CCSER1: variants seen among roughly 807,000 people sequenced by gnomAD.
CCSER1 encodes serine-rich coiled-coil domain-containing protein 1.
CCSER1 carries 41 observed loss-of-function variants against 82.0 expected under a neutral mutation model. The observed-to-expected ratio is 0.50, with a 90% CI of 0.39 to 0.65. The LOEUF (loss-of-function observed/expected upper bound fraction) is 0.65. Ranked by LOEUF, CCSER1 falls within the 30% of genes least tolerant of loss-of-function variation. The pLI is 0.00. For synonymous variants in CCSER1, 414 were observed against 383.9 expected, an observed-to-expected ratio of 1.08 and a Z score of -0.92; for missense variants, 1,119 against 1,064.2, an observed-to-expected ratio of 1.05 and a Z score of -0.72.
At chr4:91,325,150 A>G (rs1177203871) in intron 10 of CCSER1, 1 of 456,152 alleles carries the variant, frequency 2.2e-6, no homozygotes, top group Admixed American at 2.3e-5. Flanking sequence ...ATGGGTTAGC[A>G]GTGGTCCTCT....
intron 5 of CCSER1, among the ~76,000 whole-genome samples, chr4:90,545,687 T>C (rs980557608): frequency 7.9e-5 from 12 of 152,136 alleles, no homozygotes; most frequent in Non-Finnish European, 1.3e-4. Context: ...GGAAAAGCGA[T>C]GCTTCTTTTT....
chr4:91,059,640 C>T (rs938933050), intron 9 of CCSER1, among the ~76,000 whole-genome samples: 17 of 151,822 alleles, frequency 1.1e-4, no homozygotes, highest in Non-Finnish European at 1.9e-4. Flanking sequence ...CACACACACA[C>T]AAACACCCTA....
chr4:90,434,450 G>A (rs1311717870), intron 4 of CCSER1, among the ~76,000 whole-genome samples: 1 of 152,064 alleles, frequency 6.6e-6, no homozygotes, highest in Non-Finnish European at 1.5e-5. Flanking sequence ...AGCCTCACAT[G>A]GTGGTAAAAT....
At chr4:91,039,568 C>T (rs534063845) in intron 9 of CCSER1, among the ~76,000 whole-genome samples, 4 of 151,944 alleles carry the variant, frequency 2.6e-5, no homozygotes, top group Non-Finnish European at 5.9e-5. Flanking sequence ...TGACTGGTCC[C>T]TTATTTTTGA....
intron 5 of CCSER1, among the ~76,000 whole-genome samples, chr4:90,566,800 C>G (rs1461152328): frequency 6.6e-6 from 1 of 151,942 alleles, no homozygotes; most frequent in Admixed American, 6.6e-5. Flanking sequence ...GACGGGGTTT[C>G]ACCGTGTTAG....
intron 8 of CCSER1, among the ~76,000 whole-genome samples, chr4:90,835,153 A>C (rs908973141): frequency 6.6e-6 from 1 of 151,836 alleles, no homozygotes; most frequent in African/African-American, 2.4e-5. Context: ...AACACGGTGA[A>C]ACGCCGTCTC....
intron 10 of CCSER1, among the ~76,000 whole-genome samples, chr4:91,214,586 T>C (rs1449194638): frequency 2.0e-5 from 3 of 152,208 alleles, no homozygotes; most frequent in Admixed American, 2.0e-4. Context: ...GTGAGCAGAC[T>C]CTATTTTTCT....
rs113513657 is a variant in CCSER1, at chr4:91,152,866, T to C, written c.2217+66872T>C. Among the ~76,000 whole-genome samples the C allele has an allele frequency of 3.5e-4, 54 of 152,158 alleles. 1 individual carries two copies. The South Asian group carries it at 0.011, about 31-fold the overall frequency. On this transcript the variant is annotated intron_variant, in intron 10 of 10. Transcript: ENST00000509176. ...TTAGCCCCCACTCTCTTCTGGCTTG[T>C]AGAGTTTCTGCCGAGGGATCCGCTG...
Position 90,309,227 on chromosome 4 carries a change from C to T in CCSER1, c.943C>T (p.Pro315Ser). The T allele has an allele frequency of 3.1e-6, 5 of 1,613,890 alleles. No individual in the cohort carries two copies. Among genetic ancestry groups the T allele is most frequent in the Non-Finnish European group, 4.2e-6 (5 of 1,179,822 alleles). ...KTTTELTGTV[P>S]CAIMSPGKYR... Reference sequence around the variant, plus strand: ...AACAACAGAACTTACGGGAACTGTTCCCTGTGCAATTATGTCTCCTGGGAA... The same window carrying T: ...AACAACAGAACTTACGGGAACTGTTTCCTGTGCAATTATGTCTCCTGGGAA... Residue 315 changes from proline to serine, a missense_variant, in exon 2 of 11, where the codon CCC becomes TCC. Physicochemically the swap from Pro to Ser is moderately conservative, Grantham distance 74 (BLOSUM62 -1). Coordinates refer to ENST00000509176, the MANE Select transcript of CCSER1 (RefSeq NM_001145065.2).
At chr4:90,636,696 G>C (rs1045868519) in intron 6 of CCSER1, among the ~76,000 whole-genome samples, 1 of 152,210 alleles carries the variant, frequency 6.6e-6, no homozygotes, top group East Asian at 1.9e-4. Flanking sequence ...TTTACTGGTA[G>C]TACAAGGGAA....
intron 8 of CCSER1, among the ~76,000 whole-genome samples, chr4:90,823,563 C>T (rs1760051066): frequency 6.6e-6 from 1 of 151,956 alleles, no homozygotes; most frequent in African/African-American, 2.4e-5. Context: ...ACTTGAGATA[C>T]TTAAATTATA....
intron 5 of CCSER1, among the ~76,000 whole-genome samples, chr4:90,583,902 A>G (rs2148653150): frequency 6.6e-6 from 1 of 152,284 alleles, no homozygotes; most frequent in African/African-American, 2.4e-5. Flanking sequence ...ATATGCAGCA[A>G]TTTAATTTTA....
chr4:90,877,240 G>C (rs1767328996), intron 8 of CCSER1, among the ~76,000 whole-genome samples: 1 of 152,106 alleles, frequency 6.6e-6, no homozygotes. Flanking sequence ...TAGGTGCTCA[G>C]TTCAGCCTTA....
chr4:91,305,901 AC>A (rs556886929), intron 10 of CCSER1, among the ~76,000 whole-genome samples: 98 of 150,934 alleles, frequency 6.5e-4, no homozygotes, highest in Middle Eastern at 6.8e-3. Flanking sequence ...ATCTTGTGAG[AC>A]CCCCCCTCAC....
At chr4:91,338,242 G>T (rs1428561546) in intron 10 of CCSER1, among the ~76,000 whole-genome samples, 1 of 152,106 alleles carries the variant, frequency 6.6e-6, no homozygotes, top group African/African-American at 2.4e-5. Context: ...TATAAAAGCT[G>T]AGAATATAAA....
chr4:90,494,629 C>A (rs1768682192), intron 5 of CCSER1, among the ~76,000 whole-genome samples: 1 of 152,078 alleles, frequency 6.6e-6, no homozygotes, highest in South Asian at 2.1e-4. Context: ...GAAATTTATG[C>A]CCAGTTTGTA....
chr4:91,166,344 T>C (rs538319864), intron 10 of CCSER1, among the ~76,000 whole-genome samples: 3 of 152,344 alleles, frequency 2.0e-5, no homozygotes, highest in Admixed American at 2.0e-4. Context: ...TCAGTCACTG[T>C]ACTATATACT....
intron 9 of CCSER1, among the ~76,000 whole-genome samples, chr4:90,984,408 G>A (rs2150430435): frequency 6.6e-6 from 1 of 151,864 alleles, no homozygotes; most frequent in East Asian, 1.9e-4. Context: ...TCTCTTGGCT[G>A]TACGTTAGCC....
At chr4:90,347,366 A>C (rs968271567) in intron 3 of CCSER1, among the ~76,000 whole-genome samples, 3 of 142,496 alleles carry the variant, frequency 2.1e-5, no homozygotes, top group Admixed American at 1.4e-4. Context: ...CTTTATTGGT[A>C]GAATAGAATG....
Sources: allele counts gnomAD v4.1 joint callset (sites outside exome capture counted in the v4.1 genomes callset), GRCh38; gene constraint gnomAD v4.1.1; transcripts MANE v1.5; gene names NCBI Gene and HGNC (gene_info 2026-07-23, HGNC 2026-07-21).